The following CELSR1 variants were observed in gnomAD, a reference collection of about 807,000 sequenced individuals.
The protein encoded by CELSR1 is cadherin EGF LAG seven-pass G-type receptor 1.
In CELSR1, 110 loss-of-function variants were observed where a neutral mutation model predicts 249.1. The observed-to-expected ratio is 0.44, with a 90% confidence interval of 0.38 to 0.52. The LOEUF is 0.52. Ranked by LOEUF, CELSR1 falls within the 20% of genes least tolerant of loss-of-function variation. CELSR1 has a pLI of 0.00. For missense variants in CELSR1, 4,109 were observed against 4,296.4 expected (o/e 0.96, Z 1.22); for synonymous variants, 2,113 against 1,900.0 (o/e 1.11, Z -2.92).
At position 46,535,903 on chromosome 22, in the gene CELSR1, T is replaced by C; in HGVS notation, c.1268A>G (p.Tyr423Cys). Reference sequence around the variant, plus strand: ...GTCGTTGGCCTCCACCAGGAGCTGGTACTCGGCCGCCTCCTCCCGGTCCAG... The same window carrying C: ...GTCGTTGGCCTCCACCAGGAGCTGGCACTCGGCCGCCTCCTCCCGGTCCAG... The part of the protein sequence containing the change: ...AVLDREEAAE[Y>C]QLLVEANDQG... Residue 423 changes from tyrosine to cysteine, a missense_variant, in exon 1 of 35, where the codon TAC (tyrosine) becomes TGC (cysteine). Tyr to Cys is a radical substitution (Grantham distance 194, BLOSUM62 -2). Around this residue, in one of 7 missense-constraint regions of CELSR1, gnomAD observed 673 missense variants for 636.8 expected, o/e 1.06. Coordinates refer to ENST00000674500, the MANE Select transcript of CELSR1 (RefSeq NM_001378328.1). 6.2e-7 allele frequency: 1 copy of C among 1,608,826 alleles called. No individual in the cohort carries two copies. The highest frequency in any genetic ancestry group is 2.2e-5 in the East Asian group (1 of 44,826).
Position 46,436,737 on chromosome 22 carries a change from C to G in CELSR1, c.4407-448G>C, listed in dbSNP as rs1156369271. Among the ~76,000 whole-genome samples the G allele has an allele frequency of 2.0e-5, 3 of 152,082 alleles. No homozygotes were observed. In the East Asian group the frequency reaches 5.8e-4, roughly 30 times the overall value. ...GGACCATTCTTATGGCCTCTCCCCC[C>G]GGCACTCAGCCACAATAGCATCTTT... On this transcript the variant is annotated intron_variant, in intron 3 of 34. Coordinates refer to ENST00000674500, the MANE Select transcript of CELSR1 (RefSeq NM_001378328.1). This position sits in a 1 kb window ranked among gnomAD's most constrained non-coding sequence, Gnocchi z 5.9.
rs1428132146 is a variant in CELSR1, at chr22:46,506,173, C to A, written c.3544+27454G>T. The stretch of plus-strand genomic sequence containing the variant: ...CAGCCTGGGCGACAGAGACTGTCTC[C>A]AAAAAAAAAAAAAAAAAAAAGAAAA... On this transcript the variant is annotated intron_variant, in intron 1 of 34. Coordinates refer to ENST00000674500, the MANE Select transcript of CELSR1 (RefSeq NM_001378328.1). This position sits in a 1 kb window ranked among gnomAD's most constrained non-coding sequence, Gnocchi z 4.1. Among the ~76,000 whole-genome samples the A allele has an allele frequency of 1.6e-4, 22 of 137,042 alleles. No individual in the cohort carries two copies. Among genetic ancestry groups the A allele is most frequent in the African/African-American group, 4.1e-4 (14 of 34,290 alleles). 89.9% of individuals were successfully genotyped at this position (137,042 alleles called of 152,430 possible). A position where few individuals can be genotyped will look rare whatever the true frequency, so the allele number is the denominator to read the frequency against.
At position 46,381,782 on chromosome 22, in the gene CELSR1, C is replaced by A. The variant is rs781760090; in HGVS notation, c.7088+64G>T. 2.3e-5 allele frequency: 32 copies of A among 1,413,280 alleles called. No homozygotes were observed. The highest frequency in any genetic ancestry group is 3.0e-5 in the Non-Finnish European group (31 of 1,045,752). 87.5% of individuals were successfully genotyped at this position (1,413,280 alleles called of 1,614,324 possible). A position where few individuals can be genotyped will look rare whatever the true frequency, so the allele number is the denominator to read the frequency against. On this transcript the variant is annotated intron_variant, in intron 21 of 34. Transcript: ENST00000674500. The surrounding 1 kb of genome is among the most constrained non-coding windows in gnomAD (Gnocchi z 6.0). ...TGCTTGATCAGGATCAGGATTTTGA[C>A]CTGTGGAAGCCTCAGGAGCCTCCAG...
At chr22:46,477,677 T>C (rs1238125842) in intron 1 of CELSR1, among the ~76,000 whole-genome samples, 1 of 151,924 alleles carries the variant, frequency 6.6e-6, no homozygotes, top group Non-Finnish European at 1.5e-5. Context: ...CAGGCTAATT[T>C]TTTGTATTTT....
chr22:46,384,947 C>T (rs916423516), intron 19 of CELSR1, among the ~76,000 whole-genome samples: 3 of 152,028 alleles, frequency 2.0e-5, no homozygotes, highest in African/African-American at 4.8e-5. Context: ...GGCACCACCA[C>T]GCCTGGCTAA....
intron 2 of CELSR1, among the ~76,000 whole-genome samples, chr22:46,443,102 GAA>G (rs796295650): frequency 2.3e-5 from 3 of 128,116 alleles, no homozygotes; most frequent in Non-Finnish European, 3.4e-5. Context: ...CGTCTCTTAA[GAA>G]AAAAAAAAAA....
At chr22:46,508,291 G>T (rs1229166936) in intron 1 of CELSR1, among the ~76,000 whole-genome samples, 3 of 148,404 alleles carry the variant, frequency 2.0e-5, no homozygotes, top group Non-Finnish European at 4.5e-5. Flanking sequence ...CACACACCCA[G>T]CAGGTGTGCG....
chr22:46,364,839 G>T, intron 32 of CELSR1, 103 bp from the exon 33 acceptor site: 6 of 1,178,394 alleles, frequency 5.1e-6, no homozygotes, highest in Non-Finnish European at 5.9e-6. Context: ...TCCCCAACCT[G>T]CAGGCCTGGT....
At position 46,394,427 on chromosome 22, in the gene CELSR1, G is replaced by A. The variant is rs572017379; in HGVS notation, c.5844-165C>T. On this transcript the variant is annotated intron_variant, in intron 13 of 34. Coordinates refer to ENST00000674500, the MANE Select transcript of CELSR1 (RefSeq NM_001378328.1). The stretch of plus-strand genomic sequence containing the variant: ...ACATGGCCTCAGTCTCCCCTCTACC[G>A]GCTCCCAACCTCACCCCCCACCCAC... Among the ~76,000 whole-genome samples, 55 of 152,206 alleles carry A rather than the reference G, an allele frequency of 3.6e-4. 1 individual carries two copies. In the South Asian group the frequency reaches 6.7e-3, roughly 18 times the overall value.
Position 46,396,480 on chromosome 22 carries a change from T to A in CELSR1, c.5843+125A>T, listed in dbSNP as rs2079148719. Reference sequence around the variant, plus strand: ...TAATTCATGCCAAATTAAAAAAAAATATGTCCCTGTTACCCAGAATCACAC... The same window carrying A: ...TAATTCATGCCAAATTAAAAAAAAAAATGTCCCTGTTACCCAGAATCACAC... On this transcript the variant is annotated intron_variant, in intron 13 of 34. Transcript: ENST00000674500. The surrounding 1 kb of genome is among the most constrained non-coding windows in gnomAD (Gnocchi z 6.4). The A allele has an allele frequency of 1.0e-6, 1 of 1,002,024 alleles. No individual in the cohort carries two copies. The highest frequency in any genetic ancestry group is 3.7e-5 in the Admixed American group (1 of 27,196). 62.1% of individuals were successfully genotyped at this position (1,002,024 alleles called of 1,614,324 possible). A position where few individuals can be genotyped will look rare whatever the true frequency, so the allele number is the denominator to read the frequency against.
chr22:46,391,574 C>CCAGT lies in CELSR1; in HGVS notation c.6148+55_6148+58dup. 1 of 1,494,560 alleles carries CCAGT rather than the reference C, an allele frequency of 6.7e-7. No individual in the cohort carries two copies. The highest frequency in any genetic ancestry group is 1.3e-5 in the South Asian group (1 of 74,312). The allele number at this position is 1,494,560 out of a possible 1,614,324, so 92.6% of individuals were successfully genotyped here. A position where few individuals can be genotyped will look rare whatever the true frequency, so the allele number is the denominator to read the frequency against. ...CAGCGTGCATGCACACACGTGCACG[C>CCAGT]CAGTGCAGCAGCCTGTCCCCGCGCT... On this transcript the variant is annotated intron_variant, in intron 15 of 34. Transcript: ENST00000674500. The surrounding 1 kb of genome is among the most constrained non-coding windows in gnomAD (Gnocchi z 4.3).
rs199667527 is a variant in CELSR1 at position 46,372,992 on chromosome 22, G to A, written c.7650C>T (p.Leu2550=). The change falls in exon 25 of 35, where the codon CTC becomes CTT. Residue 2550 remains leucine (L), a synonymous_variant. Coordinates refer to ENST00000674500, the MANE Select transcript of CELSR1 (RefSeq NM_001378328.1). Reference sequence around the variant, plus strand: ...TGCGGTAGACATGCAGGCTCTCCACGAGGGTCCAGGCAAAGGTGCTCATGT... The same window carrying A: ...TGCGGTAGACATGCAGGCTCTCCACAAGGGTCCAGGCAAAGGTGCTCATGT... The part of the protein sequence containing the change: ...YIYMSTFAWT[L]VESLHVYRML... 21 of 1,613,198 alleles carry A rather than the reference G, an allele frequency of 1.3e-5. No individual in the cohort carries two copies. The highest frequency in any genetic ancestry group is 9.9e-5 in the South Asian group (9 of 91,048).
chr22:46,475,659 TG>T (rs11386552), intron 1 of CELSR1, among the ~76,000 whole-genome samples: 4 of 149,834 alleles, frequency 2.7e-5, no homozygotes, highest in Admixed American at 2.0e-4. Context: ...AAGAAACGAA[TG>T]GGGGGGGAAG....
At chr22:46,475,235 T>C (rs1309235837) in intron 1 of CELSR1, among the ~76,000 whole-genome samples, 3 of 151,922 alleles carry the variant, frequency 2.0e-5, no homozygotes, top group Non-Finnish European at 1.5e-5. Context: ...ACATTACACA[T>C]TATTATTACT....
At position 46,531,622 on chromosome 22, in the gene CELSR1, G is replaced by A. The variant is rs76172143; in HGVS notation, c.3544+2005C>T. On this transcript the variant is annotated intron_variant, in intron 1 of 34. Coordinates refer to ENST00000674500, the MANE Select transcript of CELSR1 (RefSeq NM_001378328.1). Reference sequence around the variant, plus strand: ...ATGCGAAGAGCGGGCTGCTTTCTGCGGATCGTGGTTTAACGCCGAGTGCCC... The same window carrying A: ...ATGCGAAGAGCGGGCTGCTTTCTGCAGATCGTGGTTTAACGCCGAGTGCCC... Among the ~76,000 whole-genome samples the A allele has an allele frequency of 5.8e-3, 876 of 152,310 alleles. 6 individuals carry two copies. Among genetic ancestry groups the A allele is most frequent in the Non-Finnish European group, 0.01 (697 of 68,020 alleles).
Position 46,512,488 on chromosome 22 carries a change from CT to C in CELSR1, c.3544+21138del, listed in dbSNP as rs1368841668. Among the ~76,000 whole-genome samples, 4 of 152,166 alleles carry C rather than the reference CT, an allele frequency of 2.6e-5. No individual in the cohort carries two copies. Among genetic ancestry groups the C allele is most frequent in the Non-Finnish European group, 5.9e-5 (4 of 68,030 alleles). On this transcript the variant is annotated intron_variant, in intron 1 of 34. Transcript: ENST00000674500. This position sits in a 1 kb window ranked among gnomAD's most constrained non-coding sequence, Gnocchi z 5.2. ...GTAGAAGGCTGAGGCACGAGAATTGCTTGAACCCGGGAGGCGGAGGTTTCAG... is the reference window on the plus strand; with the variant it reads ...GTAGAAGGCTGAGGCACGAGAATTGCTGAACCCGGGAGGCGGAGGTTTCAG...
At chr22:46,376,704 G>C (rs1052006172) in intron 24 of CELSR1, among the ~76,000 whole-genome samples, 3 of 152,002 alleles carry the variant, frequency 2.0e-5, no homozygotes, top group Non-Finnish European at 4.4e-5. Context: ...TATTTTCCTG[G>C]GGATGTACAC....
chr22:46,485,082 T>C (rs1376803987), intron 1 of CELSR1, among the ~76,000 whole-genome samples: 8 of 152,126 alleles, frequency 5.3e-5, no homozygotes, highest in Admixed American at 2.0e-4. Flanking sequence ...GAGAGAAAGA[T>C]GACGCAGGCC....
At chr22:46,392,359 G>GCAGGCTGTGAC (rs1440820190) in intron 14 of CELSR1, among the ~76,000 whole-genome samples, 2 of 152,166 alleles carry the variant, frequency 1.3e-5, no homozygotes, top group Non-Finnish European at 2.9e-5. Context: ...GGAAAACGGG[G>GCAGGCTGTGAC]CAGGCTGTGA....
Sources: gnomAD v4.1 joint callset for allele counts (sites outside exome capture counted in the v4.1 genomes callset) on GRCh38, gnomAD v4.1.1 for gene constraint, gnomAD v4.1.1 regional missense constraint, Gnocchi (gnomAD v3.1) non-coding constraint, MANE v1.5 for transcripts, NCBI Gene and HGNC (gene_info 2026-07-23, HGNC 2026-07-21) for gene names.